SV2C: variants seen among roughly 807,000 people sequenced by gnomAD.
The protein encoded by SV2C is solute carrier family 22 member B3.
Under a neutral mutation model 79.7 loss-of-function variants are expected in SV2C, and 49 were observed. The observed-to-expected ratio is 0.61, with a 90% CI of 0.49 to 0.78. The LOEUF (loss-of-function observed/expected upper bound fraction) is 0.78. Ranked by LOEUF, SV2C falls within the 30% of genes least tolerant of loss-of-function variation. The pLI is 0.00. For missense variants in SV2C, 833 were observed against 912.9 expected (o/e 0.91, Z 1.13); for synonymous variants, 334 against 333.2 (o/e 1.00, Z -0.03).
intron 2 of SV2C, among the ~76,000 whole-genome samples, chr5:76,158,641 C>G (rs1742810812): frequency 6.6e-6 from 1 of 151,912 alleles, no homozygotes; most frequent in South Asian, 2.1e-4. Context: ...GATATAACAA[C>G]TAGGCAGAAA....
the SV2C span, among the ~76,000 whole-genome samples, chr5:75,902,697 C>T: frequency 7.2e-6 from 1 of 138,946 alleles, no homozygotes; most frequent in Non-Finnish European, 1.5e-5. Flanking sequence ...TATGTCTTCC[C>T]TTCCCTTTGG....
At chr5:76,164,809 C>A (rs1023373052) in intron 2 of SV2C, among the ~76,000 whole-genome samples, 1 of 149,480 alleles carries the variant, frequency 6.7e-6, no homozygotes, top group African/African-American at 2.5e-5. Context: ...ACACTGGTTC[C>A]AGGACCTCTA....
chr5:76,202,262 G>A (rs924419727), intron 3 of SV2C, among the ~76,000 whole-genome samples: 6 of 152,182 alleles, frequency 3.9e-5, no homozygotes, highest in African/African-American at 1.4e-4. Flanking sequence ...CGTGAGAGAT[G>A]CTGTGTTCAG....
chr5:76,202,898 A>G (rs901477389), intron 3 of SV2C, among the ~76,000 whole-genome samples: 1 of 152,206 alleles, frequency 6.6e-6, no homozygotes, highest in African/African-American at 2.4e-5. Flanking sequence ...TTAAAATAAT[A>G]TTTTACATAT....
chr5:76,132,576 C>A (rs1191420253), intron 2 of SV2C, among the ~76,000 whole-genome samples: 1 of 151,956 alleles, frequency 6.6e-6, no homozygotes, highest in African/African-American at 2.4e-5. Flanking sequence ...TCCATCAACC[C>A]AATTTATTTT....
At chr5:76,156,073 C>T (rs1000667410) in intron 2 of SV2C, among the ~76,000 whole-genome samples, 3 of 151,336 alleles carry the variant, frequency 2.0e-5, no homozygotes, top group African/African-American at 7.3e-5. Context: ...GGGAAAGAGA[C>T]AGCTGAGAGG....
At chr5:76,047,206 AAGC>A in the SV2C span, among the ~76,000 whole-genome samples, 5 of 152,222 alleles carry the variant, frequency 3.3e-5, no homozygotes, top group African/African-American at 1.2e-4. Flanking sequence ...CTAAATTAAG[AAGC>A]AGAACCTTCC....
intron 12 of SV2C, among the ~76,000 whole-genome samples, chr5:76,302,152 T>A (rs1278962421): frequency 6.6e-6 from 1 of 152,150 alleles, no homozygotes; most frequent in African/African-American, 2.4e-5. Context: ...AGGATTAGAG[T>A]TTAATAGCCT....
At chr5:76,272,250 C>T (rs891810084) in intron 4 of SV2C, among the ~76,000 whole-genome samples, 1 of 152,170 alleles carries the variant, frequency 6.6e-6, no homozygotes, top group Non-Finnish European at 1.5e-5. Context: ...TCTGTAATCT[C>T]TCCCCCTTGC....
the SV2C span, among the ~76,000 whole-genome samples, chr5:76,052,539 G>A: frequency 6.6e-6 from 1 of 152,314 alleles, no homozygotes; most frequent in East Asian, 1.9e-4. Context: ...AGGGACTTGG[G>A]ACCTGGACCT....
At chr5:76,288,835 T>A (rs1747447528) in intron 6 of SV2C, among the ~76,000 whole-genome samples, 1 of 152,162 alleles carries the variant, frequency 6.6e-6, no homozygotes, top group Non-Finnish European at 1.5e-5. Flanking sequence ...AAATCCACGG[T>A]ACAGCAAAGT....
the SV2C span, among the ~76,000 whole-genome samples, chr5:75,871,262 A>G: frequency 6.6e-6 from 1 of 152,196 alleles, no homozygotes; most frequent in Non-Finnish European, 1.5e-5. Flanking sequence ...AAATCAAAAC[A>G]CCCAAAGTGA....
chr5:75,926,323 T>C, the SV2C span, among the ~76,000 whole-genome samples: 7 of 152,316 alleles, frequency 4.6e-5, 1 homozygote, highest in African/African-American at 7.2e-5. Flanking sequence ...ATGAAAAAAT[T>C]ATCAAATATA....
At chr5:76,268,304 G>T (rs1580004751) in intron 4 of SV2C, among the ~76,000 whole-genome samples, 1 of 152,158 alleles carries the variant, frequency 6.6e-6, no homozygotes. Context: ...GTGGATGAGG[G>T]CTGAGAGACA....
At position 76,327,172 on chromosome 5, in the gene SV2C, G is replaced by A. The variant is rs1035220147; in HGVS notation, c.*1625G>A. 2.6e-5 allele frequency: 4 copies of A among 152,042 alleles called. No individual in the cohort carries two copies. The highest frequency in any genetic ancestry group is 6.6e-5 in the Admixed American group (1 of 15,252). 9.4% of individuals were successfully genotyped at this position (152,042 alleles called of 1,614,324 possible). ...CTCCCCTTCCTAATGATCCCTCGCAGAGCTCAGACTAAGTGAAAAGCTTCT... is the reference window on the plus strand; with the variant it reads ...CTCCCCTTCCTAATGATCCCTCGCAAAGCTCAGACTAAGTGAAAAGCTTCT... On this transcript the variant is annotated 3_prime_UTR_variant, in exon 13 of 13. Coordinates refer to ENST00000502798, the MANE Select transcript of SV2C (RefSeq NM_014979.4).
chr5:75,920,204 C>G, the SV2C span, among the ~76,000 whole-genome samples: 2 of 152,188 alleles, frequency 1.3e-5, no homozygotes, highest in Non-Finnish European at 2.9e-5. Flanking sequence ...AGGTGGAGAG[C>G]ATTATCTAGG....
At chr5:76,114,832 G>A (rs990528683) in intron 1 of SV2C, among the ~76,000 whole-genome samples, 13 of 152,190 alleles carry the variant, frequency 8.5e-5, no homozygotes, top group Admixed American at 7.9e-4. Context: ...TTCAAAATAG[G>A]AAATTGCCAG....
chr5:76,153,945 C>A (rs1344425566), intron 2 of SV2C, among the ~76,000 whole-genome samples: 9 of 152,188 alleles, frequency 5.9e-5, no homozygotes, highest in African/African-American at 2.2e-4. Flanking sequence ...CAGAGCTTCT[C>A]ATCCTCAGTT....
the SV2C span, among the ~76,000 whole-genome samples, chr5:75,862,521 A>C: frequency 6.6e-6 from 1 of 152,226 alleles, no homozygotes; most frequent in Non-Finnish European, 1.5e-5. Context: ...AGGCAGGGAG[A>C]TTATTTGGCA....
Sources: gnomAD v4.1 joint callset for allele counts (sites outside exome capture counted in the v4.1 genomes callset) on GRCh38, gnomAD v4.1.1 for gene constraint, MANE v1.5 for transcripts, NCBI Gene and HGNC (gene_info 2026-07-23, HGNC 2026-07-21) for gene names.